ASB13: variants seen among roughly 807,000 people sequenced by gnomAD.
ASB13 encodes the protein ankyrin repeat and SOCS box protein 13.
Under a neutral mutation model 28.8 loss-of-function variants are expected in ASB13, and 33 were observed. The ratio of observed to expected loss-of-function variants is 1.15; its 90% CI spans 0.87 to 1.53. ASB13 has a LOEUF of 1.53. Among genes scored for constraint, ASB13 ranks in the 40% most tolerant of loss-of-function variants. The probability of loss-of-function intolerance (pLI) is 0.00; values close to 1 mark genes in which losing one functional copy is unlikely to be tolerated. For missense variants in ASB13, 414 were observed against 390.1 expected (o/e 1.06, Z -0.52); for synonymous variants, 182 against 172.9 (o/e 1.05, Z -0.41).
chr10:5,642,386 G>A lies in ASB13; in HGVS notation c.518-425C>T, dbSNP rs904018971. On this transcript the variant is annotated intron_variant, in intron 4 of 5. Transcript: ENST00000357700. This position sits in a 1 kb window ranked among gnomAD's most constrained non-coding sequence, Gnocchi z 4.1. ...CTTCTTCCTCTTGCGGGCCCAGGAC[G>A]GAGGCTCCAGAAATACTGGTTGAAT... The A allele has an allele frequency of 1.2e-5, 9 of 729,990 alleles. No homozygotes were observed. The highest frequency in any genetic ancestry group is 9.5e-5 in the Admixed American group (2 of 20,978). 45.2% of individuals were successfully genotyped at this position (729,990 alleles called of 1,614,324 possible).
rs944169159 is a variant in ASB13 at position 5,666,515 on chromosome 10, C to G, written c.37G>C (p.Asp13His). Residue 13 changes from aspartate (D) to histidine (H), a missense_variant, in exon 1 of 6, where the codon GAC (aspartate) becomes CAC (histidine). Asp to His is a moderately conservative substitution (Grantham distance 81). Transcript: ENST00000357700. ...CCGCGGCGCCCGCACGTACCCACGT[C>G]GCCCAGGAAGCAGCCGTCCGCCGCC... ...PRAADGCFLGDVGFWVERTPV... is the reference protein window; with the variant it reads ...PRAADGCFLGHVGFWVERTPV... 6.2e-6 allele frequency: 8 copies of G among 1,284,854 alleles called. No individual in the cohort carries two copies. The highest frequency in any genetic ancestry group is 7.9e-6 in the Non-Finnish European group (8 of 1,011,356). 79.6% of individuals were successfully genotyped at this position (1,284,854 alleles called of 1,614,324 possible).
rs540738839 is a variant in ASB13, at chr10:5,663,578, C to A, written c.43+2931G>T. Among the ~76,000 whole-genome samples, 368 of 152,270 alleles carry A rather than the reference C, an allele frequency of 2.4e-3. No homozygotes were observed. Among genetic ancestry groups the A allele is most frequent in the Non-Finnish European group, 4.0e-3 (272 of 68,022 alleles). Reference sequence around the variant, plus strand: ...CATCCTCCCTGTCTCAGTTAAGGGACCTGAGGGACGCTTTTCACCCTAAAT... The same window carrying A: ...CATCCTCCCTGTCTCAGTTAAGGGAACTGAGGGACGCTTTTCACCCTAAAT... On this transcript the variant is annotated intron_variant, in intron 1 of 5. Coordinates refer to ENST00000357700, the MANE Select transcript of ASB13 (RefSeq NM_024701.4). The surrounding 1 kb of genome is among the most constrained non-coding windows in gnomAD (Gnocchi z 4.9).
At position 5,660,755 on chromosome 10, in the gene ASB13, C is replaced by T. The variant is rs58416548; in HGVS notation, c.43+5754G>A. On this transcript the variant is annotated intron_variant, in intron 1 of 5. Transcript: ENST00000357700. The surrounding 1 kb of genome is among the most constrained non-coding windows in gnomAD (Gnocchi z 6.1). ...CATCTTTGTTCCATAGCAAGCCCCC[C>T]AATCTTGCATTCCAGCTCCAGTAAC... Among the ~76,000 whole-genome samples the T allele has an allele frequency of 2.1e-3, 320 of 152,326 alleles. 2 individuals are homozygous for T. Among genetic ancestry groups the T allele is most frequent in the African/African-American group, 7.3e-3 (304 of 41,572 alleles).
chr10:5,652,953 C>CTT lies in ASB13; in HGVS notation c.140_141insAA (p.Val48ArgfsTer55). 6.3e-7 allele frequency: 1 copy of CTT among 1,576,294 alleles called. No individual in the cohort carries two copies. The highest frequency in any genetic ancestry group is 1.2e-5 in the South Asian group (1 of 85,792). The stretch of plus-strand genomic sequence containing the variant: ...GGGGCGTGATGGAGTCCACGGTGAC[C>CTT]TGGTTCACGCAGGCGCCGCTCTCGA... On this transcript the variant is annotated frameshift_variant, in exon 2 of 6. Coordinates refer to ENST00000357700, the MANE Select transcript of ASB13 (RefSeq NM_024701.4). LOFTEE classifies it high-confidence loss of function. The surrounding 1 kb of genome is among the most constrained non-coding windows in gnomAD (Gnocchi z 5.0).
At position 5,641,117 on chromosome 10, in the gene ASB13, G is replaced by C. The variant is rs1834803001; in HGVS notation, c.710-287C>G. ...TTTTTGAGACAGAAAAAAAGCGACA[G>C]AGGCAAGAATCTCTTACTCTGTCAC... is the stretch of plus-strand genomic sequence containing the variant. On this transcript the variant is annotated intron_variant, in intron 5 of 5. Transcript: ENST00000357700. The surrounding 1 kb of genome is among the most constrained non-coding windows in gnomAD (Gnocchi z 8.4). Among the ~76,000 whole-genome samples the C allele has an allele frequency of 6.6e-6, 1 of 152,114 alleles. No individual in the cohort carries two copies. Among genetic ancestry groups the C allele is most frequent in the Non-Finnish European group, 1.5e-5 (1 of 68,038 alleles).
chr10:5,640,719 T>C lies in ASB13; in HGVS notation c.821A>G (p.Tyr274Cys). Reference sequence around the variant, plus strand: ...ACCTGCAATTCAGTTGTAGGAGAGGTAATCAATGAGCCGGGGCGGGATGTT... The same window carrying C: ...ACCTGCAATTCAGTTGTAGGAGAGGCAATCAATGAGCCGGGGCGGGATGTT... ...KLNIPPRLID[Y>C]LSYN Residue 274 changes from tyrosine to cysteine, a missense_variant, in exon 6 of 6, where the codon TAC becomes TGC. Tyr to Cys is a radical substitution (Grantham distance 194). Coordinates refer to ENST00000357700, the MANE Select transcript of ASB13 (RefSeq NM_024701.4). The C allele has an allele frequency of 3.7e-6, 6 of 1,613,916 alleles. No individual in the cohort carries two copies. The highest frequency in any genetic ancestry group is 5.1e-6 in the Non-Finnish European group (6 of 1,179,944).
rs1835167917 is a variant in ASB13, at chr10:5,661,635, C to A, written c.43+4874G>T. 6.6e-6 allele frequency among the ~76,000 whole-genome samples: 1 copy of A among 152,136 alleles called. No homozygotes were observed. Among genetic ancestry groups the A allele is most frequent in the African/African-American group, 2.4e-5 (1 of 41,424 alleles). On this transcript the variant is annotated intron_variant, in intron 1 of 5. Transcript: ENST00000357700. The surrounding 1 kb of genome is among the most constrained non-coding windows in gnomAD (Gnocchi z 4.9). ...TCAGCCTCCCAAGTAGCTGGGACTA[C>A]AGGCCCATGCACCACCACCACACTG...
rs187708800 is a variant in ASB13, at chr10:5,659,607, C to A, written c.44-6557G>T. Among the ~76,000 whole-genome samples the A allele has an allele frequency of 1.3e-5, 2 of 152,256 alleles. No homozygotes were observed. The highest frequency in any genetic ancestry group is 1.3e-4 in the Admixed American group (2 of 15,296). Reference sequence around the variant, plus strand: ...CCCACCTTGCTTCCGGCTGAAATTCCTCGACTGAGGGGACCCCTGCTCCTT... The same window carrying A: ...CCCACCTTGCTTCCGGCTGAAATTCATCGACTGAGGGGACCCCTGCTCCTT... On this transcript the variant is annotated intron_variant, in intron 1 of 5. Transcript: ENST00000357700. The surrounding 1 kb of genome is among the most constrained non-coding windows in gnomAD (Gnocchi z 5.8).
chr10:5,645,631 C>T lies in ASB13; in HGVS notation c.517+3339G>A, dbSNP rs759708046. Among the ~76,000 whole-genome samples the T allele has an allele frequency of 5.3e-5, 8 of 152,144 alleles. No homozygotes were observed. The highest frequency in any genetic ancestry group is 1.0e-4 in the Non-Finnish European group (7 of 68,038). ...AAAGCACCTGCACTCATGTGGGCCCCGACTGGTTCAATCCCTCTCCCCTCT... is the reference window on the plus strand; with the variant it reads ...AAAGCACCTGCACTCATGTGGGCCCTGACTGGTTCAATCCCTCTCCCCTCT... On this transcript the variant is annotated intron_variant, in intron 4 of 5. Coordinates refer to ENST00000357700, the MANE Select transcript of ASB13 (RefSeq NM_024701.4). The surrounding 1 kb of genome is among the most constrained non-coding windows in gnomAD (Gnocchi z 5.4).
At position 5,658,908 on chromosome 10, in the gene ASB13, C is replaced by T. The variant is rs1835113455; in HGVS notation, c.44-5858G>A. On this transcript the variant is annotated intron_variant, in intron 1 of 5. Coordinates refer to ENST00000357700, the MANE Select transcript of ASB13 (RefSeq NM_024701.4). The surrounding 1 kb of genome is among the most constrained non-coding windows in gnomAD (Gnocchi z 4.2). The stretch of plus-strand genomic sequence containing the variant: ...ACCTTTCCTGACACCCCCAAACCAC[C>T]GATGGCCCTTCCAGGGGGCGAAGAG... Among the ~76,000 whole-genome samples, 1 of 152,094 alleles carries T rather than the reference C, an allele frequency of 6.6e-6. No homozygotes were observed. Among genetic ancestry groups the T allele is most frequent in the Non-Finnish European group, 1.5e-5 (1 of 68,010 alleles).
Position 5,642,333 on chromosome 10 carries a change from G to C in ASB13, c.518-372C>G, listed in dbSNP as rs938330804. On this transcript the variant is annotated intron_variant, in intron 4 of 5. Coordinates refer to ENST00000357700, the MANE Select transcript of ASB13 (RefSeq NM_024701.4). This position sits in a 1 kb window ranked among gnomAD's most constrained non-coding sequence, Gnocchi z 4.1. The stretch of plus-strand genomic sequence containing the variant: ...AAACCAGAGCCACTCAAGCACTCCC[G>C]CCTGGCCTCCAGCACAGACACACAC... 2 of 372,928 alleles carry C rather than the reference G, an allele frequency of 5.4e-6. No homozygotes were observed. The highest frequency in any genetic ancestry group is 4.3e-5 in the African/African-American group (2 of 47,040). The allele number at this position is 372,928 out of a possible 1,614,324, so 23.1% of individuals were successfully genotyped here.
rs751235130 is a variant in ASB13, at chr10:5,658,192, G to C, written c.44-5142C>G. On this transcript the variant is annotated intron_variant, in intron 1 of 5. Coordinates refer to ENST00000357700, the MANE Select transcript of ASB13 (RefSeq NM_024701.4). This position sits in a 1 kb window ranked among gnomAD's most constrained non-coding sequence, Gnocchi z 4.2. Reference sequence around the variant, plus strand: ...TAAATAAATACGCTATTTCTGGCCAGGTGCAGTGGCTCAAAACTCTAATCC... The same window carrying C: ...TAAATAAATACGCTATTTCTGGCCACGTGCAGTGGCTCAAAACTCTAATCC... Among the ~76,000 whole-genome samples, 3 of 151,930 alleles carry C rather than the reference G, an allele frequency of 2.0e-5. No homozygotes were observed. The highest frequency in any genetic ancestry group is 2.9e-5 in the Non-Finnish European group (2 of 67,988).
At chr10:5,654,352 G>A (rs1301116036) in intron 1 of ASB13, among the ~76,000 whole-genome samples, 2 of 151,966 alleles carry the variant, frequency 1.3e-5, no homozygotes, top group African/African-American at 2.4e-5. Flanking sequence ...TGGACCTGCT[G>A]AGCCATCTGG....
rs1323482636 is a variant in ASB13, at chr10:5,663,826, G to A, written c.43+2683C>T. Among the ~76,000 whole-genome samples the A allele has an allele frequency of 6.6e-6, 1 of 152,024 alleles. No homozygotes were observed. Among genetic ancestry groups the A allele is most frequent in the Non-Finnish European group, 1.5e-5 (1 of 68,002 alleles). On this transcript the variant is annotated intron_variant, in intron 1 of 5. Transcript: ENST00000357700. The surrounding 1 kb of genome is among the most constrained non-coding windows in gnomAD (Gnocchi z 4.9). ...AGGATAAAATAGCCGCCCACTCCAA[G>A]TAACTCTCTACCCTTTAGAAATGCC... is the stretch of plus-strand genomic sequence containing the variant.
In ASB13 at chr10:5,651,131, T is replaced by C; in HGVS notation, c.382+82A>G. On this transcript the variant is annotated intron_variant, in intron 3 of 5. Coordinates refer to ENST00000357700, the MANE Select transcript of ASB13 (RefSeq NM_024701.4). This position sits in a 1 kb window ranked among gnomAD's most constrained non-coding sequence, Gnocchi z 5.1. ...GGCTCCCAATTCTGTCTACTCTGCTTCCTTCCCTAAGTCCCTTTAATCCCA... is the reference window on the plus strand; with the variant it reads ...GGCTCCCAATTCTGTCTACTCTGCTCCCTTCCCTAAGTCCCTTTAATCCCA... 1 of 1,488,296 alleles carries C rather than the reference T, an allele frequency of 6.7e-7. No homozygotes were observed. The highest frequency in any genetic ancestry group is 9.0e-7 in the Non-Finnish European group (1 of 1,111,724). The allele number at this position is 1,488,296 out of a possible 1,614,324, so 92.2% of individuals were successfully genotyped here.
intron 4 of ASB13, among the ~76,000 whole-genome samples, chr10:5,647,063 C>T (rs941257395): frequency 2.6e-5 from 4 of 152,212 alleles, no homozygotes; most frequent in African/African-American, 7.2e-5. Context: ...TAAAAAACTA[C>T]ACATAACTAA....
At position 5,656,772 on chromosome 10, in the gene ASB13, A is replaced by C. The variant is rs1422933293; in HGVS notation, c.44-3722T>G. Among the ~76,000 whole-genome samples, 1 of 152,260 alleles carries C rather than the reference A, an allele frequency of 6.6e-6. No homozygotes were observed. Among genetic ancestry groups the C allele is most frequent in the African/African-American group, 2.4e-5 (1 of 41,462 alleles). On this transcript the variant is annotated intron_variant, in intron 1 of 5. Transcript: ENST00000357700. The surrounding 1 kb of genome is among the most constrained non-coding windows in gnomAD (Gnocchi z 4.3). ...TAGGAGCACTGCGACCTGATCAAGG[A>C]CAAAGATGTTCCCAACCTCCTAGGA...
In ASB13 at chr10:5,652,147, A is replaced by G. The variant is rs1479362669; in HGVS notation, c.231+716T>C. ...AAAGTCAGAGGCCAGGAAAAAGGCA[A>G]CTCCCCAAATTGGCAAATTTTATTT... On this transcript the variant is annotated intron_variant, in intron 2 of 5. Coordinates refer to ENST00000357700, the MANE Select transcript of ASB13 (RefSeq NM_024701.4). This position sits in a 1 kb window ranked among gnomAD's most constrained non-coding sequence, Gnocchi z 5.0. 6.6e-6 allele frequency among the ~76,000 whole-genome samples: 1 copy of G among 151,750 alleles called. No homozygotes were observed. The highest frequency in any genetic ancestry group is 2.4e-5 in the African/African-American group (1 of 41,278).
chr10:5,666,114 G>C (rs4747997), intron 1 of ASB13, among the ~76,000 whole-genome samples: 1 of 152,070 alleles, frequency 6.6e-6, no homozygotes, highest in Non-Finnish European at 1.5e-5. Context: ...CTTACCGTGG[G>C]CTCGCGCCTG....
Sources: gnomAD v4.1 joint callset for allele counts (sites outside exome capture counted in the v4.1 genomes callset) on GRCh38, gnomAD v4.1.1 for gene constraint, Gnocchi (gnomAD v3.1) non-coding constraint, MANE v1.5 for transcripts, NCBI Gene and HGNC (gene_info 2026-07-23, HGNC 2026-07-21) for gene names.